DGKI: variants seen among roughly 807,000 people sequenced by gnomAD.
DGKI encodes DAG kinase iota.
Under a neutral mutation model 147.5 loss-of-function variants are expected in DGKI, and 55 were observed. The ratio of observed to expected loss-of-function variants is 0.37; its 90% confidence interval spans 0.30 to 0.47. DGKI has a LOEUF of 0.47. Ranked by LOEUF, DGKI falls within the 20% of genes least tolerant of loss-of-function variation. DGKI has a pLI of 1.00. For synonymous variants in DGKI, 469 were observed against 477.1 expected, an observed-to-expected ratio of 0.98 and a Z score of 0.22; for missense variants, 1,007 against 1,323.8, an observed-to-expected ratio of 0.76 and a Z score of 3.71.
At chr7:137,582,158 G>A (rs908042089) in intron 14 of DGKI, among the ~76,000 whole-genome samples, 2 of 152,202 alleles carry the variant, frequency 1.3e-5, no homozygotes, top group Middle Eastern at 6.8e-3. Flanking sequence ...TATAAGAAAT[G>A]TGTCACAAAT....
chr7:137,521,652 A>G (rs902076465), intron 21 of DGKI, among the ~76,000 whole-genome samples: 15 of 152,154 alleles, frequency 9.9e-5, no homozygotes, highest in Non-Finnish European at 2.1e-4. Context: ...CATCCACAGC[A>G]GAATGATTTT....
chr7:137,750,484 C>T (rs1009369996), intron 1 of DGKI, among the ~76,000 whole-genome samples: 2 of 152,118 alleles, frequency 1.3e-5, no homozygotes, highest in African/African-American at 4.8e-5. Context: ...AATAAATGAA[C>T]AAAGAATTAC....
intron 1 of DGKI, among the ~76,000 whole-genome samples, chr7:137,752,765 AC>A (rs999993441): frequency 6.6e-6 from 1 of 152,106 alleles, no homozygotes; most frequent in African/African-American, 2.4e-5. Flanking sequence ...GGAATCGCTC[AC>A]TTGGGGAGCT....
intron 28 of DGKI, among the ~76,000 whole-genome samples, chr7:137,416,758 C>T (rs887098039): frequency 8.5e-5 from 13 of 152,158 alleles, no homozygotes; most frequent in African/African-American, 2.4e-4. Context: ...TACCCCATAT[C>T]GCTCCCAAGC....
intron 29 of DGKI, among the ~76,000 whole-genome samples, chr7:137,410,014 GA>G (rs1812102477): frequency 6.6e-6 from 1 of 152,096 alleles, no homozygotes; most frequent in South Asian, 2.1e-4. Context: ...TGGAGAAGAG[GA>G]AGAGGGCATG....
chr7:137,616,764 T>C (rs1008638452), intron 8 of DGKI, among the ~76,000 whole-genome samples: 13 of 152,132 alleles, frequency 8.5e-5, no homozygotes, highest in African/African-American at 3.1e-4. Context: ...CAACCACTAC[T>C]ACATCCTATA....
chr7:137,440,455 C>A lies in DGKI; in HGVS notation c.2761+3622G>T, dbSNP rs1882065. Among the ~76,000 whole-genome samples the A allele has an allele frequency of 1.4e-4, 21 of 152,140 alleles. No individual in the cohort carries two copies. The South Asian group carries it at 3.9e-3, about 29-fold the overall frequency. On this transcript the variant is annotated intron_variant, in intron 28 of 32. Transcript: ENST00000614521. ...ATTAACTTACACAGTAGTAAATATA[C>A]TCTTGTTAGAGGAGGGAAGAATTAT...
rs1249116894 is a variant in DGKI, at chr7:137,466,183, T to C, written c.2485-148A>G. 3.2e-6 allele frequency: 3 copies of C among 938,000 alleles called. No individual in the cohort carries two copies. The African/African-American group carries it at 5.0e-5, about 16-fold the overall frequency. 58.1% of individuals were successfully genotyped at this position (938,000 alleles called of 1,614,324 possible). On this transcript the variant is annotated intron_variant, in intron 25 of 32. Coordinates refer to ENST00000614521, the MANE Select transcript of DGKI (RefSeq NM_001321708.2). ...TTGGTGATCCTCCCCAAAGCTGCGC[T>C]AACGCAGACAGTGGGAGATAGGGAG...
At chr7:137,404,614 G>C (rs1249470645) in intron 30 of DGKI, among the ~76,000 whole-genome samples, 1 of 152,124 alleles carries the variant, frequency 6.6e-6, no homozygotes, top group Non-Finnish European at 1.5e-5. Context: ...AGGCAGGAAA[G>C]GTATAGGATG....
At chr7:137,653,600 T>G (rs1282120406) in intron 5 of DGKI, among the ~76,000 whole-genome samples, 3 of 152,194 alleles carry the variant, frequency 2.0e-5, no homozygotes, top group Non-Finnish European at 4.4e-5. Flanking sequence ...CTCCTCTCAC[T>G]TAACTTAGTT....
At chr7:137,426,611 G>C (rs906309883) in intron 28 of DGKI, among the ~76,000 whole-genome samples, 18 of 150,938 alleles carry the variant, frequency 1.2e-4, no homozygotes, top group African/African-American at 4.1e-4. Context: ...TGGCAAACTG[G>C]ATAAAGACTC....
Position 137,610,653 on chromosome 7 carries a change from T to A in DGKI, c.994-1044A>T, listed in dbSNP as rs75470450. Among the ~76,000 whole-genome samples, 1,465 of 152,342 alleles carry A rather than the reference T, an allele frequency of 9.6e-3. 19 individuals are homozygous for A. The highest frequency in any genetic ancestry group is 0.034 in the African/African-American group (1,413 of 41,586). Reference sequence around the variant, plus strand: ...AATTAAAAGTTTATATAAGTATATATGCATGCATTGTTTGAGTAAAGTTGT... The same window carrying A: ...AATTAAAAGTTTATATAAGTATATAAGCATGCATTGTTTGAGTAAAGTTGT... On this transcript the variant is annotated intron_variant, in intron 8 of 32. Coordinates refer to ENST00000614521, the MANE Select transcript of DGKI (RefSeq NM_001321708.2).
chr7:137,440,092 G>C (rs779944970), intron 28 of DGKI, among the ~76,000 whole-genome samples: 13 of 152,206 alleles, frequency 8.5e-5, no homozygotes, highest in Non-Finnish European at 1.8e-4. Context: ...TCAGAGCCAG[G>C]GAAGCAGCCT....
intron 27 of DGKI, among the ~76,000 whole-genome samples, chr7:137,445,752 A>G (rs562681087): frequency 2.0e-5 from 3 of 152,314 alleles, no homozygotes; most frequent in Admixed American, 6.5e-5. Flanking sequence ...AGCTGCAAGG[A>G]AAAGTCCTAG....
chr7:137,695,641 A>C (rs1823756247), intron 1 of DGKI, among the ~76,000 whole-genome samples: 1 of 152,246 alleles, frequency 6.6e-6, no homozygotes, highest in Non-Finnish European at 1.5e-5. Context: ...ATCTAACTCC[A>C]GAAGGTATAT....
At chr7:137,528,119 A>T (rs1817215770) in intron 20 of DGKI, among the ~76,000 whole-genome samples, 1 of 152,194 alleles carries the variant, frequency 6.6e-6, no homozygotes, top group South Asian at 2.1e-4. Flanking sequence ...ATGCTATAGC[A>T]CAGCTTGGCA....
At chr7:137,617,854 T>C (rs1170872967) in intron 8 of DGKI, among the ~76,000 whole-genome samples, 1 of 151,718 alleles carries the variant, frequency 6.6e-6, no homozygotes, top group Non-Finnish European at 1.5e-5. Flanking sequence ...AAAAGGTAAT[T>C]CATAAAATGA....
intron 1 of DGKI, among the ~76,000 whole-genome samples, chr7:137,833,452 A>C (rs1462288115): frequency 6.6e-6 from 1 of 152,162 alleles, no homozygotes; most frequent in East Asian, 1.9e-4. Context: ...ATTCACTATC[A>C]TGAGATCATC....
At chr7:137,741,572 G>T (rs924910965) in intron 1 of DGKI, among the ~76,000 whole-genome samples, 1 of 152,140 alleles carries the variant, frequency 6.6e-6, no homozygotes, top group African/African-American at 2.4e-5. Flanking sequence ...TGGAATGCAT[G>T]GTGTGGTGCT....
Sources: allele counts gnomAD v4.1 joint callset (sites outside exome capture counted in the v4.1 genomes callset), GRCh38; gene constraint gnomAD v4.1.1; transcripts MANE v1.5; gene names NCBI Gene and HGNC (gene_info 2026-07-23, HGNC 2026-07-21).